Variants in RNF10 observed in about 807,000 individuals in gnomAD.
RNF10 encodes the protein ring finger protein 10, also known as E3 ubiquitin-protein ligase RNF10.
Under a neutral mutation model 91.4 loss-of-function variants are expected in RNF10, and 38 were observed. That is an observed-to-expected ratio of 0.42 (90% CI 0.32 to 0.54). The LOEUF (loss-of-function observed/expected upper bound fraction) is 0.54. RNF10 is among the 20% of genes least tolerant of loss of function. The probability of loss-of-function intolerance (pLI) is 0.16; values close to 1 mark genes in which losing one functional copy is unlikely to be tolerated. For missense variants in RNF10, 945 were observed against 1,012.0 expected, an observed-to-expected ratio of 0.93 and a Z score of 0.90; for synonymous variants, 364 against 366.3, an observed-to-expected ratio of 0.99 and a Z score of 0.07.
intron 10 of RNF10, among the ~76,000 whole-genome samples, chr12:120,564,524 C>T (rs1305280415): frequency 6.6e-6 from 1 of 152,098 alleles, no homozygotes; most frequent in Non-Finnish European, 1.5e-5. Context: ...CCTCAGGAGG[C>T]TGAGGCAGAA....
At chr12:120,537,348 C>T (rs539613456) in intron 1 of RNF10, among the ~76,000 whole-genome samples, 9 of 151,510 alleles carry the variant, frequency 5.9e-5, no homozygotes, top group South Asian at 2.1e-4. Flanking sequence ...TCATGTAGGC[C>T]GGGTGCGGTG....
intron 1 of RNF10, among the ~76,000 whole-genome samples, chr12:120,541,222 G>T (rs1446593188): frequency 6.6e-6 from 1 of 152,214 alleles, no homozygotes; most frequent in Non-Finnish European, 1.5e-5. Context: ...TGCAAACCGT[G>T]AGGTGCATCT....
chr12:120,566,920 A>G lies in RNF10; in HGVS notation c.1981A>G (p.Thr661Ala), dbSNP rs1875817803. 8.7e-6 allele frequency: 14 copies of G among 1,613,922 alleles called. No homozygotes were observed. Among genetic ancestry groups the G allele is most frequent in the Non-Finnish European group, 1.2e-5 (14 of 1,179,950 alleles). The change falls in exon 13 of 17, where the codon ACC becomes GCC. Residue 661 changes from threonine (T) to alanine (A), a missense_variant. Transcript: ENST00000325954. ...TGATTCTGCTTTGGGTCCCACCAGC[A>G]CCGAGGGCCATGGGGCCCTCTCCAT... ...SSDSALGPTS[T>A]EGHGALSISP...
intron 3 of RNF10, 24 bp from the exon 4 acceptor site, chr12:120,554,694 T>G (rs1312053799): frequency 6.4e-7 from 1 of 1,573,250 alleles, no homozygotes; most frequent in African/African-American, 1.4e-5. Flanking sequence ...CAGTCTAGCT[T>G]TTTCCTGTCT....
At chr12:120,546,122 T>G (rs780837999) in intron 1 of RNF10, among the ~76,000 whole-genome samples, 3 of 152,252 alleles carry the variant, frequency 2.0e-5, no homozygotes, top group African/African-American at 4.8e-5. Flanking sequence ...GGACAGTGGT[T>G]AAGCTGTGTA....
intron 14 of RNF10, among the ~76,000 whole-genome samples, chr12:120,572,900 CTTTT>C (rs35567785): frequency 3.0e-5 from 3 of 100,642 alleles, no homozygotes; most frequent in African/African-American, 7.6e-5. Flanking sequence ...TGCGCCTGGC[CTTTT>C]TTTTTTTTTT....
At chr12:120,561,034 A>C in intron 7 of RNF10, 148 bp downstream of exon 7, 1 of 854,280 alleles carries the variant, frequency 1.2e-6, no homozygotes, top group East Asian at 2.7e-5. Context: ...TTAAGACAAT[A>C]AGCAGAGAAT....
chr12:120,567,483 A>C (rs1412558327), intron 13 of RNF10, among the ~76,000 whole-genome samples: 1 of 151,644 alleles, frequency 6.6e-6, no homozygotes, highest in African/African-American at 2.4e-5. Flanking sequence ...CGGGTGGATC[A>C]CGAGGTCAGG....
chr12:120,544,356 C>CAA (rs35169785), intron 1 of RNF10, among the ~76,000 whole-genome samples: 1,341 of 115,038 alleles, frequency 0.012, 55 homozygotes, highest in Admixed American at 0.089. Context: ...CCCAACTCTA[C>CAA]AAAAAAAAAA....
chr12:120,561,526 C>A (rs1330374463), intron 7 of RNF10, among the ~76,000 whole-genome samples: 1 of 152,210 alleles, frequency 6.6e-6, no homozygotes, highest in Admixed American at 6.5e-5. Flanking sequence ...ACTCCTGGAA[C>A]CACTGATCTA....
At position 120,577,507 on chromosome 12, in the gene RNF10, T is replaced by G. The variant is rs1427405548; in HGVS notation, c.*841T>G. 4 of 220,680 alleles carry G rather than the reference T, an allele frequency of 1.8e-5. No individual in the cohort carries two copies. The highest frequency in any genetic ancestry group is 9.6e-5 in the African/African-American group (4 of 41,876). The allele number at this position is 220,680 out of a possible 1,614,324, so 13.7% of individuals were successfully genotyped here. Reference sequence around the variant, plus strand: ...TGGTTTGAGCTGAATTTGATGTGAATTCTTTTGCTGCTTAATAAAGTGACC... The same window carrying G: ...TGGTTTGAGCTGAATTTGATGTGAAGTCTTTTGCTGCTTAATAAAGTGACC... On this transcript the variant is annotated 3_prime_UTR_variant, in exon 17 of 17. Transcript: ENST00000325954.
At chr12:120,565,307 C>G in intron 11 of RNF10, 118 bp downstream of exon 11, 1 of 1,144,544 alleles carries the variant, frequency 8.7e-7, no homozygotes, top group Non-Finnish European at 1.3e-6. Context: ...ACCTCCTAAA[C>G]ACTTCATCTG....
intron 16 of RNF10, 87 bp from the exon 17 acceptor site, chr12:120,576,503 C>T: frequency 6.5e-7 from 1 of 1,527,016 alleles, no homozygotes; most frequent in Non-Finnish European, 8.8e-7. Flanking sequence ...CTCTTAGCTC[C>T]CACTCTGTGA....
intron 8 of RNF10, 103 bp downstream of exon 8, chr12:120,563,173 C>CA (rs1332023524): frequency 6.5e-7 from 1 of 1,541,580 alleles, no homozygotes; most frequent in Admixed American, 1.7e-5. Flanking sequence ...GAAGAGGGGA[C>CA]AATGAGTATT....
intron 4 of RNF10, 56 bp downstream of exon 4, chr12:120,554,864 T>C (rs1430154392): frequency 1.5e-6 from 2 of 1,362,868 alleles, no homozygotes; most frequent in East Asian, 4.6e-5. Flanking sequence ...ATAAAGGCAC[T>C]GTGGTGACGC....
intron 10 of RNF10, among the ~76,000 whole-genome samples, chr12:120,564,703 G>A (rs1875414253): frequency 6.6e-6 from 1 of 152,200 alleles, no homozygotes; most frequent in Non-Finnish European, 1.5e-5. Flanking sequence ...TATTCTGTCA[G>A]TGGTTCCCAG....
At chr12:120,536,549 C>T (rs1173330972) in intron 1 of RNF10, among the ~76,000 whole-genome samples, 1 of 152,066 alleles carries the variant, frequency 6.6e-6, no homozygotes, top group East Asian at 1.9e-4. Flanking sequence ...TGGTGTGAGA[C>T]CATTGGAGTA....
At chr12:120,561,116 G>T (rs1785325573) in intron 7 of RNF10, among the ~76,000 whole-genome samples, 1 of 152,074 alleles carries the variant, frequency 6.6e-6, no homozygotes, top group Non-Finnish European at 1.5e-5. Context: ...GGCTTTTAAA[G>T]CTCTTTCTAG....
Position 120,566,789 on chromosome 12 carries a change from G to C in RNF10, c.1886-36G>C, listed in dbSNP as rs781534090. The C allele has an allele frequency of 9.5e-6, 14 of 1,473,404 alleles. No homozygotes were observed. The African/African-American group carries it at 1.7e-4, about 18-fold the overall frequency. 91.3% of individuals were successfully genotyped at this position (1,473,404 alleles called of 1,614,324 possible). ...AAAAAAAAAAAAAAAATTGAATTCT[G>C]TAAATGGGTTTACAAGGGTTATCTT... On this transcript the variant is annotated intron_variant, in intron 12 of 16. Transcript: ENST00000325954.
Sources: gnomAD v4.1 joint callset for allele counts (sites outside exome capture counted in the v4.1 genomes callset) on GRCh38, gnomAD v4.1.1 for gene constraint, MANE v1.5 for transcripts, NCBI Gene and HGNC (gene_info 2026-07-23, HGNC 2026-07-21) for gene names.